Variants in TRAPPC9 observed in about 807,000 individuals in gnomAD.
The protein encoded by TRAPPC9 is trafficking protein particle complex subunit 9.
TRAPPC9 carries 83 observed loss-of-function variants against 124.0 expected under a neutral mutation model. The observed-to-expected ratio is 0.67, with a 90% CI of 0.56 to 0.80. TRAPPC9 has a LOEUF of 0.80. TRAPPC9 is among the 30% of genes least tolerant of loss of function. The pLI is 0.00. For missense variants in TRAPPC9, 1,302 were observed against 1,508.3 expected (o/e 0.86, Z 2.27); for synonymous variants, 638 against 617.5 (o/e 1.03, Z -0.49).
chr8:140,127,515 T>C (rs112179722), intron 17 of TRAPPC9, among the ~76,000 whole-genome samples: 5,952 of 152,306 alleles, frequency 0.039, 150 homozygotes, highest in African/African-American at 0.064. Flanking sequence ...AGCAGTAAGG[T>C]TGGTACCTGG....
At chr8:140,429,477 A>T (rs985938521) in intron 4 of TRAPPC9, among the ~76,000 whole-genome samples, 1 of 152,200 alleles carries the variant, frequency 6.6e-6, no homozygotes, top group Admixed American at 6.5e-5. Context: ...CAGTTTCCAC[A>T]TCTGTAAAAC....
At chr8:139,837,808 A>C (rs1048088021) in intron 21 of TRAPPC9, among the ~76,000 whole-genome samples, 29 of 151,786 alleles carry the variant, frequency 1.9e-4, no homozygotes, top group Admixed American at 5.9e-4. Flanking sequence ...CTCACTTGCC[A>C]CCGAGATTCT....
At chr8:140,157,368 G>GAAGCCTCCCTTTTCCATTCAA (rs796778286) in intron 17 of TRAPPC9, among the ~76,000 whole-genome samples, 386 of 29,370 alleles carry the variant, frequency 0.013, 138 homozygotes, top group African/African-American at 0.057. Flanking sequence ...TTTCCATTCA[G>GAAGCCTCCCTTTTCCATTCAA]AAGCCTCCCT....
rs115330266 is a variant in TRAPPC9 at position 140,028,138 on chromosome 8, G to A, written c.2557-4059C>T. Among the ~76,000 whole-genome samples, 734 of 151,774 alleles carry A rather than the reference G, an allele frequency of 4.8e-3. 6 individuals are homozygous for A. Among genetic ancestry groups the A allele is most frequent in the African/African-American group, 0.017 (690 of 41,386 alleles). On this transcript the variant is annotated intron_variant, in intron 17 of 22. Coordinates refer to ENST00000438773, the MANE Select transcript of TRAPPC9 (RefSeq NM_001160372.4). ...TTAAAATTAGAATATTATATATAAG[G>A]TCTTATATATTATATATATGGTCTT...
At chr8:139,976,052 C>G (rs915424240) in intron 19 of TRAPPC9, among the ~76,000 whole-genome samples, 1 of 151,550 alleles carries the variant, frequency 6.6e-6, no homozygotes, top group African/African-American at 2.4e-5. Context: ...CCACCTCGCC[C>G]GGCTAATTTT....
At chr8:140,261,076 A>G (rs552721977) in intron 15 of TRAPPC9, among the ~76,000 whole-genome samples, 2 of 152,360 alleles carry the variant, frequency 1.3e-5, no homozygotes, top group Admixed American at 1.3e-4. Flanking sequence ...ACGCCCTGTC[A>G]GTACATGGAG....
intron 17 of TRAPPC9, among the ~76,000 whole-genome samples, chr8:140,068,217 G>T (rs184192290): frequency 6.6e-6 from 1 of 152,134 alleles, no homozygotes; most frequent in African/African-American, 2.4e-5. Flanking sequence ...GAAGTGGAAG[G>T]CTTCATGGAG....
At chr8:139,971,565 G>A (rs1836067040) in intron 19 of TRAPPC9, among the ~76,000 whole-genome samples, 1 of 152,096 alleles carries the variant, frequency 6.6e-6, no homozygotes, top group Non-Finnish European at 1.5e-5. Flanking sequence ...CCTTGCAGAG[G>A]TGGGTGCTCT....
intron 19 of TRAPPC9, among the ~76,000 whole-genome samples, chr8:139,920,119 G>A (rs1176742583): frequency 6.6e-6 from 1 of 152,220 alleles, no homozygotes; most frequent in Non-Finnish European, 1.5e-5. Context: ...GCTAAGCCGG[G>A]CGGATCACTT....
chr8:140,337,254 C>T (rs1159296958), intron 9 of TRAPPC9, among the ~76,000 whole-genome samples: 1 of 152,186 alleles, frequency 6.6e-6, no homozygotes, highest in Non-Finnish European at 1.5e-5. Context: ...AGTTCACACA[C>T]ATGAAGGCAC....
At chr8:140,446,667 C>T (rs1372802814) in intron 2 of TRAPPC9, among the ~76,000 whole-genome samples, 2 of 152,112 alleles carry the variant, frequency 1.3e-5, no homozygotes, top group Admixed American at 6.6e-5. Flanking sequence ...AATTCTCTTG[C>T]CTCAGCCTCT....
chr8:140,312,160 A>G (rs2131887223), intron 9 of TRAPPC9, among the ~76,000 whole-genome samples: 1 of 152,310 alleles, frequency 6.6e-6, no homozygotes, highest in East Asian at 1.9e-4. Context: ...TTTTCTCCCT[A>G]GAGTGTTTTA....
intron 17 of TRAPPC9, among the ~76,000 whole-genome samples, chr8:140,173,200 G>C (rs1363466184): frequency 6.6e-6 from 1 of 152,198 alleles, no homozygotes; most frequent in Non-Finnish European, 1.5e-5. Flanking sequence ...TACCAGGAAG[G>C]AGAGAACCAA....
At chr8:140,458,315 C>G, upstream of TRAPPC9, 1 of 1,569,928 alleles carries the variant, frequency 6.4e-7, no homozygotes, top group Non-Finnish European at 8.6e-7. Context: ...AATTTCACTT[C>G]CTCTGTGAAG....
intron 2 of TRAPPC9, among the ~76,000 whole-genome samples, chr8:140,443,423 A>G (rs573099682): frequency 9.2e-4 from 139 of 151,124 alleles, no homozygotes; most frequent in Non-Finnish European, 4.9e-4. Flanking sequence ...GCGACAGAGC[A>G]AGACTCCATC....
At chr8:140,004,110 A>G (rs183917719) in intron 18 of TRAPPC9, among the ~76,000 whole-genome samples, 41 of 152,366 alleles carry the variant, frequency 2.7e-4, no homozygotes, top group African/African-American at 6.7e-4. Flanking sequence ...ACACAGTATT[A>G]TTCCATTTAT....
chr8:139,924,770 A>AT (rs779793787), intron 19 of TRAPPC9, among the ~76,000 whole-genome samples: 4 of 152,108 alleles, frequency 2.6e-5, no homozygotes, highest in Admixed American at 1.3e-4. Flanking sequence ...TTGGATACCT[A>AT]TTTCGTCCAC....
intron 16 of TRAPPC9, among the ~76,000 whole-genome samples, chr8:140,249,860 G>A (rs768363349): frequency 5.3e-5 from 8 of 151,804 alleles, no homozygotes; most frequent in African/African-American, 7.3e-5. Context: ...CGCCCACCTC[G>A]GCCTCCCAAA....
At chr8:139,841,795 G>T (rs1826748926) in intron 21 of TRAPPC9, among the ~76,000 whole-genome samples, 1 of 152,234 alleles carries the variant, frequency 6.6e-6, no homozygotes, top group Non-Finnish European at 1.5e-5. Context: ...GCCCCCTAAA[G>T]CACCCCAAGG....
Sources: allele counts gnomAD v4.1 joint callset (sites outside exome capture counted in the v4.1 genomes callset), GRCh38; gene constraint gnomAD v4.1.1; transcripts MANE v1.5; gene names NCBI Gene and HGNC (gene_info 2026-07-23, HGNC 2026-07-21).